Variants in SPAG9 observed in about 807,000 individuals in gnomAD.
SPAG9 encodes the protein C-Jun-amino-terminal kinase-interacting protein 4.
In SPAG9, 35 loss-of-function variants were observed where a neutral mutation model predicts 166.5. The ratio of observed to expected loss-of-function variants is 0.21; its 90% CI spans 0.16 to 0.28. SPAG9 has a LOEUF of 0.28. Among genes scored for constraint, SPAG9 ranks in the 10% least tolerant of loss-of-function variants. SPAG9 has a pLI of 1.00. For synonymous variants in SPAG9, 534 were observed against 565.5 expected (o/e 0.94, Z 0.79); for missense variants, 1,235 against 1,603.3 (o/e 0.77, Z 3.92).
chr17:50,976,002 T>G lies in SPAG9; in HGVS notation c.3524-1055A>C, dbSNP rs1369779521. The G allele has an allele frequency of 3.4e-6, 3 of 888,440 alleles. No individual in the cohort carries two copies. The Admixed American group carries it at 6.0e-5, about 18-fold the overall frequency. 55.0% of individuals were successfully genotyped at this position (888,440 alleles called of 1,614,324 possible). A position where few individuals can be genotyped will look rare whatever the true frequency, so the allele number is the denominator to read the frequency against. ...CTCAGCGTCTTCTATCTGGTAAACC[T>G]GGTGCTCAAAGCCCCTAACGAAAAT... is the stretch of plus-strand genomic sequence containing the variant. On this transcript the variant is annotated intron_variant, in intron 27 of 29. Coordinates refer to ENST00000262013, the MANE Select transcript of SPAG9 (RefSeq NM_001130528.3).
chr17:51,106,842 G>A (rs2048964354), intron 1 of SPAG9, among the ~76,000 whole-genome samples: 2 of 151,020 alleles, frequency 1.3e-5, no homozygotes, highest in African/African-American at 2.4e-5. Context: ...AGTGGCTCAC[G>A]CCTGTAATCC....
chr17:51,064,040 C>A (rs2047593690), intron 2 of SPAG9, among the ~76,000 whole-genome samples: 1 of 152,120 alleles, frequency 6.6e-6, no homozygotes, highest in African/African-American at 2.4e-5. Flanking sequence ...AGTATCATAT[C>A]CACTTCCATC....
At chr17:51,095,252 C>T (rs965925034) in intron 1 of SPAG9, among the ~76,000 whole-genome samples, 5 of 143,852 alleles carry the variant, frequency 3.5e-5, no homozygotes, top group Non-Finnish European at 7.5e-5. Flanking sequence ...GCCGAGAACT[C>T]GCCACTGCAC....
intron 2 of SPAG9, among the ~76,000 whole-genome samples, chr17:51,062,504 T>C (rs965827060): frequency 6.6e-6 from 1 of 152,326 alleles, no homozygotes; most frequent in African/African-American, 2.4e-5. Context: ...TTTTCCAGAA[T>C]GTCACATAGT....
intron 6 of SPAG9, among the ~76,000 whole-genome samples, chr17:51,022,631 C>CCACTAA (rs376328283): frequency 6.7e-6 from 1 of 148,152 alleles, no homozygotes; most frequent in Non-Finnish European, 1.5e-5. Context: ...GCCACCACCA[C>CCACTAA]TAATAATAAT....
intron 1 of SPAG9, among the ~76,000 whole-genome samples, chr17:51,089,436 AAAAC>A (rs1034822429): frequency 4.0e-5 from 6 of 151,424 alleles, no homozygotes; most frequent in African/African-American, 7.3e-5. Context: ...AAAAAACAAA[AAAAC>A]AAACAAACAA....
Position 50,990,441 on chromosome 17 carries a change from T to C in SPAG9, c.2617+9A>G. ...CTATACAGATGGCAGGTAAAGAGAA[T>C]GGATATACCTGGTGGTTTATCCATC... is the stretch of plus-strand genomic sequence containing the variant. On this transcript the variant is annotated intron_variant, in intron 20 of 29. Transcript: ENST00000262013. 1.2e-6 allele frequency: 2 copies of C among 1,602,378 alleles called. No homozygotes were observed. Among genetic ancestry groups the C allele is most frequent in the Non-Finnish European group, 1.7e-6 (2 of 1,169,246 alleles).
At chr17:51,080,421 C>T (rs1313176695) in intron 1 of SPAG9, among the ~76,000 whole-genome samples, 1 of 152,020 alleles carries the variant, frequency 6.6e-6, no homozygotes, top group Non-Finnish European at 1.5e-5. Flanking sequence ...TCCTTGGACA[C>T]ATCTTCTCTT....
chr17:50,976,745 T>C, intron 27 of SPAG9: 1 of 164,710 alleles, frequency 6.1e-6, no homozygotes, highest in South Asian at 1.7e-4. Context: ...AAATGGAATA[T>C]ACTAAACTAT....
At chr17:51,036,809 C>T (rs78313958) in intron 5 of SPAG9, among the ~76,000 whole-genome samples, 3,214 of 152,244 alleles carry the variant, frequency 0.021, 60 homozygotes, top group Non-Finnish European at 0.034. Flanking sequence ...CCATGGAAAG[C>T]CTTACCTTCC....
chr17:51,049,440 C>T (rs1389612534), intron 3 of SPAG9, among the ~76,000 whole-genome samples: 1 of 151,930 alleles, frequency 6.6e-6, no homozygotes, highest in South Asian at 2.1e-4. Context: ...CTTTGGGAGG[C>T]TGAGGTGGGA....
chr17:51,048,234 T>A (rs1386745019), intron 3 of SPAG9, among the ~76,000 whole-genome samples: 2 of 152,120 alleles, frequency 1.3e-5, no homozygotes, highest in African/African-American at 2.4e-5. Flanking sequence ...ATGTCCTATT[T>A]GATTCTTGAT....
chr17:51,009,012 T>C (rs1306247421), intron 9 of SPAG9: 9 of 362,456 alleles, frequency 2.5e-5, no homozygotes, highest in Non-Finnish European at 4.3e-5. Context: ...TGAAAATATA[T>C]GAAAGGCAAA....
chr17:50,966,532 T>C (rs1004484967), intron 29 of SPAG9, 145 bp from the exon 30 acceptor site: 110 of 631,536 alleles, frequency 1.7e-4, no homozygotes, highest in African/African-American at 1.6e-3. Flanking sequence ...GTAGAAGAAA[T>C]ACTAAGAGTC....
At chr17:51,020,097 A>G in intron 8 of SPAG9, 62 bp downstream of exon 8, 1 of 907,414 alleles carries the variant, frequency 1.1e-6, no homozygotes. Context: ...ACTGGAGAAC[A>G]GTGTTTATGG....
At chr17:51,040,140 A>G (rs1250387209) in intron 5 of SPAG9, among the ~76,000 whole-genome samples, 1 of 151,826 alleles carries the variant, frequency 6.6e-6, no homozygotes, top group African/African-American at 2.4e-5. Context: ...AAGCTGAGAC[A>G]GGAGAATTGC....
At chr17:51,111,086 A>C (rs1598201804) in intron 1 of SPAG9, among the ~76,000 whole-genome samples, 1 of 152,180 alleles carries the variant, frequency 6.6e-6, no homozygotes, top group East Asian at 1.9e-4. Context: ...ACTGCACTCC[A>C]GCCAGGGTGA....
intron 2 of SPAG9, among the ~76,000 whole-genome samples, chr17:51,071,555 G>C (rs2047820809): frequency 6.6e-6 from 1 of 152,116 alleles, no homozygotes; most frequent in South Asian, 2.1e-4. Context: ...ATTTTGAAAA[G>C]TAATCAGAAA....
At chr17:51,030,095 AG>A (rs2046330101) in intron 6 of SPAG9, among the ~76,000 whole-genome samples, 1 of 152,192 alleles carries the variant, frequency 6.6e-6, no homozygotes, top group African/African-American at 2.4e-5. Context: ...TCAGGCTAAA[AG>A]TCTATAAGCT....
Sources: gnomAD v4.1 joint callset for allele counts (sites outside exome capture counted in the v4.1 genomes callset) on GRCh38, gnomAD v4.1.1 for gene constraint, MANE v1.5 for transcripts, NCBI Gene and HGNC (gene_info 2026-07-23, HGNC 2026-07-21) for gene names.